Variants in COL22A1 observed in about 807,000 individuals in gnomAD.
COL22A1 encodes the protein collagen type XXII alpha 1 chain, also known as collagen alpha-1(XXII) chain.
Under a neutral mutation model 248.9 loss-of-function variants are expected in COL22A1, and 221 were observed. The observed-to-expected ratio is 0.89, with a 90% CI of 0.80 to 0.99. The LOEUF is 0.99. Among genes scored for constraint, COL22A1 ranks in the 50% least tolerant of loss-of-function variants. COL22A1 has a pLI of 0.00. For synonymous variants in COL22A1, 891 were observed against 793.4 expected (o/e 1.12, Z -2.07); for missense variants, 2,240 against 2,179.0 (o/e 1.03, Z -0.56).
At chr8:138,879,145 G>A (rs1823983153) in intron 2 of COL22A1, among the ~76,000 whole-genome samples, 1 of 152,062 alleles carries the variant, frequency 6.6e-6, no homozygotes, top group South Asian at 2.1e-4. Context: ...GATAGGAATG[G>A]GACTGTACCA....
rs114595178 is a variant in COL22A1 at position 138,656,404 on chromosome 8, G to A, written c.3286-460C>T. Among the ~76,000 whole-genome samples the A allele has an allele frequency of 4.9e-3, 746 of 152,290 alleles. 9 individuals carry two copies. Among genetic ancestry groups the A allele is most frequent in the African/African-American group, 0.017 (710 of 41,556 alleles). ...TAAGCCAATGTCTTCAGCTCTCCCA[G>A]GTGAAACAGCATTTTACACGTCATT... On this transcript the variant is annotated intron_variant, in intron 44 of 64. Coordinates refer to ENST00000303045, the MANE Select transcript of COL22A1 (RefSeq NM_152888.3).
Position 138,711,005 on chromosome 8 carries a change from A to G in COL22A1, c.2517+4677T>C, listed in dbSNP as rs369806245. Among the ~76,000 whole-genome samples, 146 of 152,288 alleles carry G rather than the reference A, an allele frequency of 9.6e-4. 1 individual carries two copies. The highest frequency in any genetic ancestry group is 3.3e-3 in the African/African-American group (137 of 41,572). ...TGTCTCTCACCCTGAGGGCATGAAG[A>G]CTGCCTTTTGGAAATAGCCTCCTCA... On this transcript the variant is annotated intron_variant, in intron 30 of 64. Coordinates refer to ENST00000303045, the MANE Select transcript of COL22A1 (RefSeq NM_152888.3).
At chr8:138,792,338 A>G (rs1192966053) in intron 12 of COL22A1, among the ~76,000 whole-genome samples, 1 of 152,252 alleles carries the variant, frequency 6.6e-6, no homozygotes, top group Non-Finnish European at 1.5e-5. Flanking sequence ...AAAGAAAGCT[A>G]AGACCACTGG....
At chr8:138,878,455 G>A in intron 2 of COL22A1, 139 bp from the exon 3 acceptor site, 2 of 715,852 alleles carry the variant, frequency 2.8e-6, no homozygotes, top group Non-Finnish European at 4.3e-6. Flanking sequence ...AGGGCCCTGG[G>A]CTGCCTGAAA....
chr8:138,733,531 A>G (rs1245222065), intron 23 of COL22A1, among the ~76,000 whole-genome samples: 1 of 152,218 alleles, frequency 6.6e-6, no homozygotes, highest in Non-Finnish European at 1.5e-5. Flanking sequence ...ACGATTATAT[A>G]TGAAAGCTAA....
intron 22 of COL22A1, among the ~76,000 whole-genome samples, chr8:138,739,859 G>T (rs1455129006): frequency 6.6e-6 from 1 of 152,212 alleles, no homozygotes; most frequent in Non-Finnish European, 1.5e-5. Context: ...ACACCTTTGA[G>T]CTGTGAACCC....
At position 138,882,756 on chromosome 8, in the gene COL22A1, TCTCA is replaced by T. The variant is rs144996340; in HGVS notation, c.91+322_91+325del. 2.9e-3 allele frequency among the ~76,000 whole-genome samples: 430 copies of T among 147,894 alleles called. 3 individuals are homozygous for T. The highest frequency in any genetic ancestry group is 0.011 in the East Asian group (53 of 4,812). On this transcript the variant is annotated intron_variant, in intron 2 of 64. Transcript: ENST00000303045. ...CTTCCTCAAACTCACACACATTCCC[TCTCA>T]CTCCCTCGCACACTTCAAACTCCCA...
intron 7 of COL22A1, among the ~76,000 whole-genome samples, chr8:138,813,547 G>A (rs6995061): frequency 0.016 from 2,503 of 151,698 alleles, 63 homozygotes; most frequent in African/African-American, 0.058. Flanking sequence ...TGAGTATGTC[G>A]TTATTAGCAG....
At position 138,591,470 on chromosome 8, in the gene COL22A1, T is replaced by G. The variant is rs775048110; in HGVS notation, c.4647A>C (p.Ala1549=). 9 of 1,577,228 alleles carry G rather than the reference T, an allele frequency of 5.7e-6. No individual in the cohort carries two copies. In the South Asian group the frequency reaches 5.9e-5, roughly 10 times the overall value. The change falls in exon 64 of 65, where the codon GCA becomes GCC. Residue 1549 remains alanine, a synonymous_variant. Coordinates refer to ENST00000303045, the MANE Select transcript of COL22A1 (RefSeq NM_152888.3). ...GERGAKGDPG[A]PGVGLRGEMG... is the part of the protein sequence containing the mutation. ...TCTCGCCTCGGAGGCCAACTCCAGG[T>G]GCACCTGGGTCACCTTTGGCTCCTC... is the stretch of plus-strand genomic sequence containing the variant.
At chr8:138,708,176 A>G (rs1247492776) in intron 30 of COL22A1, among the ~76,000 whole-genome samples, 2 of 152,208 alleles carry the variant, frequency 1.3e-5, no homozygotes. Flanking sequence ...GCTCATGGAT[A>G]GGAAGAATCA....
At chr8:138,654,853 A>G (rs1366289850) in intron 45 of COL22A1, among the ~76,000 whole-genome samples, 1 of 152,112 alleles carries the variant, frequency 6.6e-6, no homozygotes, top group Non-Finnish European at 1.5e-5. Flanking sequence ...CTCTCGTGGG[A>G]AAAGCAAATG....
chr8:138,849,746 C>T (rs542243480), intron 3 of COL22A1, among the ~76,000 whole-genome samples: 25 of 152,224 alleles, frequency 1.6e-4, no homozygotes, highest in South Asian at 1.0e-3. Context: ...GCTTATGCAA[C>T]GGGAAGCCAA....
At chr8:138,667,807 A>G (rs1381840449) in intron 41 of COL22A1, among the ~76,000 whole-genome samples, 1 of 152,130 alleles carries the variant, frequency 6.6e-6, no homozygotes, top group African/African-American at 2.4e-5. Flanking sequence ...ATGCATCACA[A>G]AGAGGCTCCA....
chr8:138,856,074 T>C (rs956651340), intron 3 of COL22A1, among the ~76,000 whole-genome samples: 21 of 152,276 alleles, frequency 1.4e-4, no homozygotes, highest in African/African-American at 4.8e-4. Context: ...GGGCCGTGCC[T>C]AGAGCTTCGG....
rs894643677 is a variant in COL22A1 at position 138,600,525 on chromosome 8, C to T, written c.4185+1590G>A. On this transcript the variant is annotated intron_variant, in intron 60 of 64. Coordinates refer to ENST00000303045, the MANE Select transcript of COL22A1 (RefSeq NM_152888.3). ...AAATGCACATTTATAACACACACCA[C>T]ACACAATTCTGTGTGCACAGACTCC... 3.3e-5 allele frequency among the ~76,000 whole-genome samples: 5 copies of T among 152,252 alleles called. No homozygotes were observed. In the East Asian group the frequency reaches 7.7e-4, roughly 24 times the overall value.
At chr8:138,591,356 A>T (rs559307423) in intron 64 of COL22A1, 68 bp downstream of exon 64, 1 of 1,231,284 alleles carries the variant, frequency 8.1e-7, no homozygotes, top group South Asian at 1.7e-5. Context: ...CTGTGGGGCC[A>T]CGGGCAGGGG....
rs116342849 is a variant in COL22A1 at position 138,792,706 on chromosome 8, G to A, written c.1596+4113C>T. Among the ~76,000 whole-genome samples the A allele has an allele frequency of 2.9e-3, 434 of 152,258 alleles. 2 individuals carry two copies. Among genetic ancestry groups the A allele is most frequent in the African/African-American group, 9.7e-3 (405 of 41,542 alleles). ...ACCAGGTCCCTGGCTGTCTCTTCCC[G>A]TGGATAAACTCACCAACCCCTCACA... On this transcript the variant is annotated intron_variant, in intron 12 of 64. Coordinates refer to ENST00000303045, the MANE Select transcript of COL22A1 (RefSeq NM_152888.3).
At chr8:138,655,563 C>G (rs893314993) in intron 45 of COL22A1, among the ~76,000 whole-genome samples, 2 of 152,154 alleles carry the variant, frequency 1.3e-5, no homozygotes, top group Admixed American at 1.3e-4. Context: ...GATCAGGTCT[C>G]TCTATGTTGC....
At chr8:138,880,186 A>G (rs1221807022) in intron 2 of COL22A1, among the ~76,000 whole-genome samples, 1 of 152,262 alleles carries the variant, frequency 6.6e-6, no homozygotes, top group Admixed American at 6.5e-5. Flanking sequence ...AAGAAAAATC[A>G]TGATGTATTC....
Sources: gnomAD v4.1 joint callset for allele counts (sites outside exome capture counted in the v4.1 genomes callset) on GRCh38, gnomAD v4.1.1 for gene constraint, MANE v1.5 for transcripts, NCBI Gene and HGNC (gene_info 2026-07-23, HGNC 2026-07-21) for gene names.